The following BRD4 variants were observed in gnomAD, a reference collection of about 807,000 sequenced individuals.
BRD4 encodes the protein bromodomain-containing protein 4.
In BRD4, 16 loss-of-function variants were observed where a neutral mutation model predicts 142.1. The observed-to-expected ratio is 0.11, with a 90% confidence interval of 0.08 to 0.17. BRD4 has a LOEUF of 0.17. BRD4 is among the 10% of genes least tolerant of loss of function. BRD4 has a pLI of 1.00. For missense variants in BRD4, 1,424 were observed against 1,810.9 expected (o/e 0.79, Z 3.88); for synonymous variants, 833 against 707.5 (o/e 1.18, Z -2.82).
chr19:15,276,720 A>T (rs1284954195), intron 1 of BRD4, among the ~76,000 whole-genome samples: 11 of 152,062 alleles, frequency 7.2e-5, no homozygotes, highest in African/African-American at 2.7e-4. Flanking sequence ...AACAGTTCAC[A>T]CTCTCACATG....
intron 1 of BRD4, among the ~76,000 whole-genome samples, chr19:15,312,272 C>T (rs2047978012): frequency 6.6e-6 from 1 of 152,134 alleles, no homozygotes; most frequent in Non-Finnish European, 1.5e-5. Context: ...CCAAGACAGG[C>T]ACATTGCTTG....
At chr19:15,319,557 T>G (rs2145727116) in intron 1 of BRD4, among the ~76,000 whole-genome samples, 1 of 151,548 alleles carries the variant, frequency 6.6e-6, no homozygotes, top group South Asian at 2.1e-4. Flanking sequence ...AAAGCTGCAG[T>G]GAGCCAAGAT....
intron 11 of BRD4, 137 bp from the exon 12 acceptor site, chr19:15,244,899 G>A (rs1392956872): frequency 2.7e-6 from 4 of 1,473,182 alleles, no homozygotes; most frequent in Middle Eastern, 4.6e-4. Flanking sequence ...CGAGTTCAAT[G>A]AGGGATGAGT....
chr19:15,265,672 G>C, intron 4 of BRD4, 29 bp from the exon 5 acceptor site: 1 of 1,613,378 alleles, frequency 6.2e-7, no homozygotes, highest in Non-Finnish European at 8.5e-7. Flanking sequence ...CGGCGAGTTA[G>C]AGACCATGCT....
chr19:15,240,560 G>A (rs773926660), intron 14 of BRD4, among the ~76,000 whole-genome samples: 3 of 152,170 alleles, frequency 2.0e-5, no homozygotes, highest in South Asian at 2.1e-4. Flanking sequence ...ACGCCCCCAC[G>A]GAAGAGAGAA....
At chr19:15,310,275 G>A (rs931160166) in intron 1 of BRD4, among the ~76,000 whole-genome samples, 55 of 133,410 alleles carry the variant, frequency 4.1e-4, no homozygotes, top group African/African-American at 1.5e-3. Flanking sequence ...GTGCAATGGC[G>A]TGATCTCAGC....
At chr19:15,246,914 C>G (rs547128984) in intron 11 of BRD4, 1 of 172,730 alleles carries the variant, frequency 5.8e-6, no homozygotes, top group African/African-American at 2.4e-5. Flanking sequence ...AGAGGTACCC[C>G]CTTCTGGCCC....
chr19:15,315,025 G>A (rs1490247422), intron 1 of BRD4, among the ~76,000 whole-genome samples: 3 of 151,858 alleles, frequency 2.0e-5, no homozygotes, highest in Non-Finnish European at 2.9e-5. Flanking sequence ...TATGCAGTGC[G>A]GTTTCAGGGT....
chr19:15,322,966 C>T (rs1475371254), intron 1 of BRD4, among the ~76,000 whole-genome samples: 1 of 151,096 alleles, frequency 6.6e-6, no homozygotes, highest in Non-Finnish European at 1.5e-5. Context: ...AGGAGAATGG[C>T]GTGGACCTGG....
Position 15,244,425 on chromosome 19 carries a change from G to A in BRD4, c.2387C>T (p.Ser796Leu), listed in dbSNP as rs200532628. 6 of 1,587,480 alleles carry A rather than the reference G, an allele frequency of 3.8e-6. No individual in the cohort carries two copies. The highest frequency in any genetic ancestry group is 5.1e-6 in the Non-Finnish European group (6 of 1,172,712). Residue 796 changes from serine to leucine, a missense_variant, in exon 13 of 20, where the codon TCG (serine) becomes TTG (leucine). By Grantham distance (145) the Ser-to-Leu change is moderately radical. This residue lies in a region of BRD4 where 598 missense variants were observed against 647.8 expected (regional missense o/e 0.92). Coordinates refer to ENST00000679869, the MANE Select transcript of BRD4 (RefSeq NM_001379291.1). ...PQQAAPAMKS[S>L]PPPFIATQVP... ...CTGGGTGGCAATGAAGGGTGGGGGC[G>A]AGGACTTCATCGCCGGGGCTGCCTG...
At chr19:15,262,524 T>TAA (rs559468375) in intron 7 of BRD4, among the ~76,000 whole-genome samples, 45 of 97,792 alleles carry the variant, frequency 4.6e-4, no homozygotes, top group East Asian at 3.9e-3. Flanking sequence ...CCCATCTCTT[T>TAA]AAAAAAAAAA....
intron 7 of BRD4, among the ~76,000 whole-genome samples, chr19:15,262,490 A>ACCAGCC (rs1216729210): frequency 6.6e-6 from 1 of 150,512 alleles, no homozygotes; most frequent in Non-Finnish European, 1.5e-5. Flanking sequence ...GGGGTTCCAG[A>ACCAGCC]CCAGCCTGTG....
At chr19:15,308,591 A>T (rs1438928816) in intron 1 of BRD4, among the ~76,000 whole-genome samples, 1 of 152,032 alleles carries the variant, frequency 6.6e-6, no homozygotes, top group East Asian at 1.9e-4. Context: ...TACCTAAAAA[A>T]AAAAAAAAGT....
At chr19:15,262,495 C>T (rs954207670) in intron 7 of BRD4, among the ~76,000 whole-genome samples, 19 of 148,922 alleles carry the variant, frequency 1.3e-4, no homozygotes, top group Admixed American at 1.1e-3. Context: ...TCCAGACCAG[C>T]CTGTGCAACA....
At chr19:15,243,940 C>T (rs541552043) in intron 13 of BRD4, among the ~76,000 whole-genome samples, 44 of 152,316 alleles carry the variant, frequency 2.9e-4, no homozygotes, top group African/African-American at 1.0e-3. Flanking sequence ...TCTAACATGA[C>T]GCCTGGCCCA....
chr19:15,311,308 AC>A (rs1173169223), intron 1 of BRD4, among the ~76,000 whole-genome samples: 21 of 151,998 alleles, frequency 1.4e-4, no homozygotes, highest in African/African-American at 3.9e-4. Context: ...AAACAAAAAA[AC>A]AAAAAACAGT....
At chr19:15,254,461 A>T (rs530930219) in intron 10 of BRD4, among the ~76,000 whole-genome samples, 199 bp from the exon 11 acceptor site, 2 of 152,280 alleles carry the variant, frequency 1.3e-5, no homozygotes, top group South Asian at 4.1e-4. Context: ...GACTGCTTAC[A>T]ATGGAATTTC....
rs762451591 is a variant in BRD4 at position 15,273,038 on chromosome 19, A to T, written c.62T>A (p.Leu21Gln). The T allele has an allele frequency of 1.9e-6, 3 of 1,613,264 alleles. No individual in the cohort carries two copies. Among genetic ancestry groups the T allele is most frequent in the Non-Finnish European group, 2.5e-6 (3 of 1,179,348 alleles). Residue 21 changes from leucine to glutamine, a missense_variant, in exon 2 of 20, where the codon CTA becomes CAA. By Grantham distance (113) the Leu-to-Gln change is moderately radical. Coordinates refer to ENST00000679869, the MANE Select transcript of BRD4 (RefSeq NM_001379291.1). ...LRNLPVMGDG[L>Q]ETSQMSTTQA... Reference sequence around the variant, plus strand: ...TGTTGTAGACATTTGGGAAGTTTCTAGTCCATCCCCCATTACTGGCAGATT... The same window carrying T: ...TGTTGTAGACATTTGGGAAGTTTCTTGTCCATCCCCCATTACTGGCAGATT...
chr19:15,313,068 CA>C (rs1360141114), intron 1 of BRD4, among the ~76,000 whole-genome samples: 11 of 145,076 alleles, frequency 7.6e-5, no homozygotes, highest in East Asian at 2.1e-4. Flanking sequence ...ACCCTGTCTT[CA>C]AAAAAAAAAG....
Sources: gnomAD v4.1 joint callset for allele counts (sites outside exome capture counted in the v4.1 genomes callset) on GRCh38, gnomAD v4.1.1 for gene constraint, gnomAD v4.1.1 regional missense constraint, MANE v1.5 for transcripts, NCBI Gene and HGNC (gene_info 2026-07-23, HGNC 2026-07-21) for gene names.